Variants in ZNF462 observed in about 807,000 individuals in gnomAD.
ZNF462 encodes the protein zinc finger PBX1-interacting protein.
In ZNF462, 10 loss-of-function variants were observed where a neutral mutation model predicts 201.9. That is an observed-to-expected ratio of 0.05 (90% confidence interval 0.03 to 0.08). The LOEUF is 0.08. ZNF462 is among the 10% of genes least tolerant of loss of function. ZNF462 has a pLI of 1.00. For synonymous variants in ZNF462, 1,227 were observed against 1,193.3 expected (o/e 1.03, Z -0.58); for missense variants, 2,523 against 3,168.3 (o/e 0.80, Z 4.89).
In ZNF462 at chr9:106,926,657, A is replaced by G; in HGVS notation, c.2745A>G (p.Val915=). The change falls in exon 3 of 13, where the codon GTA becomes GTG. Residue 915 remains valine, a synonymous_variant. Transcript: ENST00000277225. This position sits in a 1 kb window ranked among gnomAD's most constrained non-coding sequence, Gnocchi z 7.9. ...AGCACCACCCAGAAGCCATGAATGT[A>G]CTCAACTTTGATCACTCGGACCTGA... is the stretch of plus-strand genomic sequence containing the variant. ...YGEHHPEAMN[V]LNFDHSDLIY... 2 of 1,614,004 alleles carry G rather than the reference A, an allele frequency of 1.2e-6. No homozygotes were observed. Among genetic ancestry groups the G allele is most frequent in the Non-Finnish European group, 1.7e-6 (2 of 1,179,996 alleles).
intron 1 of ZNF462, among the ~76,000 whole-genome samples, chr9:106,897,871 C>CTCCAGCCA (rs1364836096): frequency 6.6e-6 from 1 of 152,178 alleles, no homozygotes; most frequent in Non-Finnish European, 1.5e-5. Context: ...CAAGCCAGTC[C>CTCCAGCCA]CTAGCTCATG....
At chr9:106,998,395 A>G (rs928563421) in intron 10 of ZNF462, among the ~76,000 whole-genome samples, 1 of 152,178 alleles carries the variant, frequency 6.6e-6, no homozygotes, top group Non-Finnish European at 1.5e-5. Flanking sequence ...ATGAAAATGC[A>G]TATTCAACTT....
intron 7 of ZNF462, among the ~76,000 whole-genome samples, chr9:106,957,205 A>G (rs1166836623): frequency 2.0e-5 from 3 of 152,080 alleles, no homozygotes; most frequent in South Asian, 2.1e-4. Context: ...AGGCCATTCT[A>G]CTAGGGTTAG....
At chr9:106,992,622 C>A (rs1687557901) in intron 10 of ZNF462, among the ~76,000 whole-genome samples, 2 of 152,026 alleles carry the variant, frequency 1.3e-5, no homozygotes, top group Admixed American at 6.6e-5. Context: ...AAGCTAGACA[C>A]AAGAGACTAC....
In ZNF462 at chr9:106,909,409, A is replaced by G. The variant is rs904758955; in HGVS notation, c.-30-13945A>G. ...TAATTTTATTTTGTAAGTATTATCA[A>G]TTATTCAATTTTAGTTCTAAATGTA... On this transcript the variant is annotated intron_variant, in intron 1 of 12. Coordinates refer to ENST00000277225, the MANE Select transcript of ZNF462 (RefSeq NM_021224.6). Among the ~76,000 whole-genome samples the G allele has an allele frequency of 7.2e-5, 11 of 152,140 alleles. 1 individual carries two copies. The highest frequency in any genetic ancestry group is 6.5e-5 in the Admixed American group (1 of 15,268).
At chr9:106,888,500 T>C (rs1350802178) in intron 1 of ZNF462, among the ~76,000 whole-genome samples, 1 of 152,260 alleles carries the variant, frequency 6.6e-6, no homozygotes, top group Non-Finnish European at 1.5e-5. Flanking sequence ...ATGAATGCTA[T>C]TGATAACAGC....
chr9:106,911,347 A>G (rs1829542116), intron 1 of ZNF462, among the ~76,000 whole-genome samples: 1 of 152,206 alleles, frequency 6.6e-6, no homozygotes, highest in African/African-American at 2.4e-5. Flanking sequence ...ATTTTAAAAT[A>G]GGGCTCCAAT....
In ZNF462 at chr9:106,925,543, AGCCACCACCACCGCCGCC is replaced by A. The variant is rs1162055238; in HGVS notation, c.1644_1661del (p.Pro549_Pro554del). On this transcript the variant is annotated inframe_deletion, in exon 3 of 13. Transcript: ENST00000277225. The surrounding 1 kb of genome is among the most constrained non-coding windows in gnomAD (Gnocchi z 7.9). ...CCCTTGCAGCAGCAACAGCCACCGC[AGCCACCACCACCGCCGCC>A]GCCACCACCACCATCACAGCCACAG... 1.2e-6 allele frequency: 2 copies of A among 1,613,134 alleles called. No homozygotes were observed. The highest frequency in any genetic ancestry group is 1.7e-6 in the Non-Finnish European group (2 of 1,179,636).
rs187824795 is a variant in ZNF462 at position 107,010,234 on chromosome 9, C to G, written c.7313+566C>G. ...AGGATGTGGTCTTTTCAGGAGGAAA[C>G]ATGGCTTGTGTGGTGATAGGAAGCC... On this transcript the variant is annotated intron_variant, in intron 12 of 12. Transcript: ENST00000277225. The surrounding 1 kb of genome is among the most constrained non-coding windows in gnomAD (Gnocchi z 4.6). 1.4e-3 allele frequency among the ~76,000 whole-genome samples: 207 copies of G among 152,268 alleles called. 2 individuals carry two copies. The highest frequency in any genetic ancestry group is 2.0e-3 in the Non-Finnish European group (136 of 68,010).
At position 106,872,536 on chromosome 9, in the gene ZNF462, G is replaced by A. The variant is rs1308817042; in HGVS notation, c.-31+9181G>A. 6.6e-6 allele frequency among the ~76,000 whole-genome samples: 1 copy of A among 152,072 alleles called. No individual in the cohort carries two copies. Among genetic ancestry groups the A allele is most frequent in the East Asian group, 1.9e-4 (1 of 5,180 alleles). On this transcript the variant is annotated intron_variant, in intron 1 of 12. Transcript: ENST00000277225. The surrounding 1 kb of genome is among the most constrained non-coding windows in gnomAD (Gnocchi z 4.5). ...AGCCACCATGCCCAGCTAATTTCTTGTATTTTAGTAGAGACGGGGTTTCAC... is the reference window on the plus strand; with the variant it reads ...AGCCACCATGCCCAGCTAATTTCTTATATTTTAGTAGAGACGGGGTTTCAC...
Position 107,010,957 on chromosome 9 carries a change from A to G in ZNF462, c.7448A>G (p.Asn2483Ser). Residue 2483 changes from asparagine to serine, a missense_variant, in exon 13 of 13, where the codon AAT becomes AGT. Physicochemically the swap from Asn to Ser is conservative, Grantham distance 46. This residue lies in a region of ZNF462 where 67 missense variants were observed against 63.2 expected (regional missense o/e 1.06). Transcript: ENST00000277225. The surrounding 1 kb of genome is among the most constrained non-coding windows in gnomAD (Gnocchi z 4.6). ...EAIGIDFSLKNETVAICVVTA... is the reference protein window; with the variant it reads ...EAIGIDFSLKSETVAICVVTA... ...ATTGGGATAGACTTTTCCCTAAAGA[A>G]TGAAACAGTAGCCATCTGTGTAGTA... 1.9e-6 allele frequency: 3 copies of G among 1,613,832 alleles called. No individual in the cohort carries two copies. Among genetic ancestry groups the G allele is most frequent in the South Asian group, 2.2e-5 (2 of 91,080 alleles).
Position 106,924,516 on chromosome 9 carries a change from A to G in ZNF462, c.604A>G (p.Met202Val), listed in dbSNP as rs767449244. The G allele has an allele frequency of 1.5e-5, 25 of 1,614,002 alleles. No individual in the cohort carries two copies. The highest frequency in any genetic ancestry group is 3.3e-4 in the Middle Eastern group (2 of 6,084). ...TGCTCCCCCACCTGCTCCTGCTCCA[A>G]TGCCAGACCCTGTGGTTCCGCCCGT... is the stretch of plus-strand genomic sequence containing the variant. ...TTAPPPAPAPMPDPVVPPVSL... is the reference protein window; with the variant it reads ...TTAPPPAPAPVPDPVVPPVSL... Residue 202 changes from methionine to valine, a missense_variant, in exon 3 of 13, where the codon ATG becomes GTG. Physicochemically the swap from Met to Val is conservative, Grantham distance 21 (BLOSUM62 1). Coordinates refer to ENST00000277225, the MANE Select transcript of ZNF462 (RefSeq NM_021224.6). This position sits in a 1 kb window ranked among gnomAD's most constrained non-coding sequence, Gnocchi z 6.2.
At position 107,003,721 on chromosome 9, in the gene ZNF462, C is replaced by T. The variant is rs900213102; in HGVS notation, c.7189+295C>T. On this transcript the variant is annotated intron_variant, in intron 11 of 12. Coordinates refer to ENST00000277225, the MANE Select transcript of ZNF462 (RefSeq NM_021224.6). The surrounding 1 kb of genome is among the most constrained non-coding windows in gnomAD (Gnocchi z 4.4). ...GGAAAACTGGTATCTAGGGAATCTTCAGAATAAGGACAAGCAGACAGCAAG... is the reference window on the plus strand; with the variant it reads ...GGAAAACTGGTATCTAGGGAATCTTTAGAATAAGGACAAGCAGACAGCAAG... Among the ~76,000 whole-genome samples, 10 of 152,190 alleles carry T rather than the reference C, an allele frequency of 6.6e-5. No individual in the cohort carries two copies. The highest frequency in any genetic ancestry group is 2.4e-4 in the African/African-American group (10 of 41,530).
At chr9:106,940,218 T>C (rs1442528667) in intron 7 of ZNF462, among the ~76,000 whole-genome samples, 1 of 152,226 alleles carries the variant, frequency 6.6e-6, no homozygotes, top group Non-Finnish European at 1.5e-5. Flanking sequence ...TGAGAAAAGA[T>C]ACGCACCTGT....
rs1434132365 is a variant in ZNF462, at chr9:106,981,189, C to T, written c.6833-2997C>T. ...TGTCTTAGTTTGGAAATGGGAAGTT[C>T]TAGATTTCAGATTTAAGTTCAGCAG... On this transcript the variant is annotated intron_variant, in intron 9 of 12. Coordinates refer to ENST00000277225, the MANE Select transcript of ZNF462 (RefSeq NM_021224.6). This position sits in a 1 kb window ranked among gnomAD's most constrained non-coding sequence, Gnocchi z 4.0. Among the ~76,000 whole-genome samples the T allele has an allele frequency of 6.6e-6, 1 of 152,152 alleles. No homozygotes were observed. Among genetic ancestry groups the T allele is most frequent in the Non-Finnish European group, 1.5e-5 (1 of 68,034 alleles).
intron 7 of ZNF462, among the ~76,000 whole-genome samples, chr9:106,958,021 T>A (rs558083768): frequency 6.6e-6 from 1 of 152,280 alleles, no homozygotes; most frequent in East Asian, 1.9e-4. Flanking sequence ...AACAGTTAGA[T>A]GAACAGTTCA....
chr9:106,867,481 A>G (rs1486589848), intron 1 of ZNF462, among the ~76,000 whole-genome samples: 1 of 152,004 alleles, frequency 6.6e-6, no homozygotes, highest in Non-Finnish European at 1.5e-5. Context: ...AATATTTCTC[A>G]TATTGGATTT....
chr9:106,860,444 C>G (rs1044204111), upstream of ZNF462, among the ~76,000 whole-genome samples: 1 of 152,108 alleles, frequency 6.6e-6, no homozygotes, highest in African/African-American at 2.4e-5. The surrounding 1 kb of genome is among the most constrained non-coding windows in gnomAD (Gnocchi z 7.1). Flanking sequence ...AAGGTTTCCT[C>G]TGACCTCGTC....
In ZNF462 at chr9:106,923,689, G is replaced by A. The variant is rs138603026; in HGVS notation, c.220+86G>A. The A allele has an allele frequency of 7.8e-6, 11 of 1,418,330 alleles. No homozygotes were observed. The highest frequency in any genetic ancestry group is 2.3e-5 in the East Asian group (1 of 42,828). The allele number at this position is 1,418,330 out of a possible 1,614,324, so 87.9% of individuals were successfully genotyped here. On this transcript the variant is annotated intron_variant, in intron 2 of 12. Coordinates refer to ENST00000277225, the MANE Select transcript of ZNF462 (RefSeq NM_021224.6). This position sits in a 1 kb window ranked among gnomAD's most constrained non-coding sequence, Gnocchi z 5.6. ...CCTGTAGCCATGGTTCTTAATATAC[G>A]TGGCTTTTGCAGAGTTTCTTGTGCT...
Sources: gnomAD v4.1 joint callset for allele counts (sites outside exome capture counted in the v4.1 genomes callset) on GRCh38, gnomAD v4.1.1 for gene constraint, gnomAD v4.1.1 regional missense constraint, Gnocchi (gnomAD v3.1) non-coding constraint, MANE v1.5 for transcripts, NCBI Gene and HGNC (gene_info 2026-07-23, HGNC 2026-07-21) for gene names.